RARA: variants seen among roughly 807,000 people sequenced by gnomAD.
The protein encoded by RARA is PML-DDX5-RARA fusion.
In RARA, 5 loss-of-function variants were observed where a neutral mutation model predicts 42.8. The ratio of observed to expected loss-of-function variants is 0.12; its 90% CI spans 0.06 to 0.25. RARA has a LOEUF of 0.25. RARA is among the 10% of genes least tolerant of loss of function. The pLI is 1.00. For missense variants in RARA, 402 were observed against 628.7 expected, an observed-to-expected ratio of 0.64 and a Z score of 3.86; for synonymous variants, 256 against 259.5, an observed-to-expected ratio of 0.99 and a Z score of 0.13.
Position 40,331,155 on chromosome 17 carries a change from G to T in RARA, c.-64G>T. On this transcript the variant is annotated 5_prime_UTR_variant, in exon 2 of 9. Coordinates refer to ENST00000254066, the MANE Select transcript of RARA (RefSeq NM_000964.4). ...AGGCCCCATGCCCCGAGGAGGGGTG[G>T]TCTGAAGCCCACCAGAGCCCCCTGC... 2.0e-6 allele frequency: 3 copies of T among 1,504,154 alleles called. No individual in the cohort carries two copies. Among genetic ancestry groups the T allele is most frequent in the Non-Finnish European group, 8.9e-7 (1 of 1,117,928 alleles). 93.2% of individuals were successfully genotyped at this position (1,504,154 alleles called of 1,614,324 possible).
chr17:40,347,575 A>G, intron 2 of RARA, among the ~76,000 whole-genome samples: 1 of 152,184 alleles, frequency 6.6e-6, no homozygotes, highest in Non-Finnish European at 1.5e-5. Flanking sequence ...GGCCAGACAG[A>G]CAGAGCATTG....
Position 40,356,310 on chromosome 17 carries a change from CCCTGCCCCCA to C in RARA, c.*92_*101del. Reference sequence around the variant, plus strand: ...TACCGACCATGTGACCCCGCACCAGCCCTGCCCCCACCTGCCCTCCCGGGCAGTACTGGGG... The same window carrying C: ...TACCGACCATGTGACCCCGCACCAGCCCTGCCCTCCCGGGCAGTACTGGGG... On this transcript the variant is annotated 3_prime_UTR_variant, in exon 9 of 9. Coordinates refer to ENST00000254066, the MANE Select transcript of RARA (RefSeq NM_000964.4). The C allele has an allele frequency of 7.1e-7, 1 of 1,409,566 alleles. No individual in the cohort carries two copies. Among genetic ancestry groups the C allele is most frequent in the Non-Finnish European group, 9.7e-7 (1 of 1,025,986 alleles). 87.3% of individuals were successfully genotyped at this position (1,409,566 alleles called of 1,614,324 possible). A position where few individuals can be genotyped will look rare whatever the true frequency, so the allele number is the denominator to read the frequency against.
intron 1 of RARA, among the ~76,000 whole-genome samples, chr17:40,315,167 T>TACACAC (rs1299638664): frequency 4.3e-5 from 5 of 116,028 alleles, no homozygotes; most frequent in African/African-American, 1.7e-4. Context: ...TATATATATA[T>TACACAC]ATATACACAC....
intron 2 of RARA, among the ~76,000 whole-genome samples, chr17:40,334,474 C>T (rs941406334): frequency 1.3e-5 from 2 of 152,244 alleles, no homozygotes; most frequent in African/African-American, 4.8e-5. Context: ...GCATCTCCCT[C>T]CTTCTGCAGA....
At chr17:40,343,441 C>T (rs913966046) in intron 2 of RARA, among the ~76,000 whole-genome samples, 3 of 152,164 alleles carry the variant, frequency 2.0e-5, no homozygotes, top group Non-Finnish European at 4.4e-5. Context: ...ATCAGACACC[C>T]GTCTGCCATC....
In RARA at chr17:40,357,345, A is replaced by G. The variant is rs368001358; in HGVS notation, c.*1119A>G. 19 of 232,130 alleles carry G rather than the reference A, an allele frequency of 8.2e-5. No individual in the cohort carries two copies. The East Asian group carries it at 1.1e-3, about 13-fold the overall frequency. The allele number at this position is 232,130 out of a possible 1,614,324, so 14.4% of individuals were successfully genotyped here. A position where few individuals can be genotyped will look rare whatever the true frequency, so the allele number is the denominator to read the frequency against. On this transcript the variant is annotated 3_prime_UTR_variant, in exon 9 of 9. Transcript: ENST00000254066. ...ACACATGCGCGTGCGCACACACACA[A>G]ACACACACACACTGGACAGTAGATG...
intron 6 of RARA, among the ~76,000 whole-genome samples, chr17:40,353,859 AAT>A (rs2034530230): frequency 6.6e-6 from 1 of 152,096 alleles, no homozygotes; most frequent in South Asian, 2.1e-4. Context: ...CATTCAAGCC[AAT>A]ACACATTTAC....
At chr17:40,324,349 C>T (rs1208431339) in intron 1 of RARA, among the ~76,000 whole-genome samples, 1 of 152,008 alleles carries the variant, frequency 6.6e-6, no homozygotes, top group African/African-American at 2.4e-5. Flanking sequence ...CTGAATTACC[C>T]CCTGCCCTTT....
At chr17:40,331,484 T>C in intron 2 of RARA, 88 bp downstream of exon 2, 1 of 1,432,804 alleles carries the variant, frequency 7.0e-7, no homozygotes, top group Non-Finnish European at 9.3e-7. Context: ...TCTGTTCTGC[T>C]GTGAGTGGAA....
intron 1 of RARA, among the ~76,000 whole-genome samples, chr17:40,325,035 C>T (rs1006175248): frequency 1.8e-4 from 28 of 151,792 alleles, no homozygotes; most frequent in African/African-American, 6.8e-4. Flanking sequence ...GGCAGATCAC[C>T]GTGTCAGGAG....
intron 1 of RARA, among the ~76,000 whole-genome samples, chr17:40,321,621 G>A (rs2033382149): frequency 6.6e-6 from 1 of 152,208 alleles, no homozygotes; most frequent in African/African-American, 2.4e-5. Flanking sequence ...TCTGGCCAGT[G>A]ACACCTCCTT....
At position 40,331,137 on chromosome 17, in the gene RARA, A is replaced by G; in HGVS notation, c.-82A>G. ...CAAACCCCATCTGGGCCCAGGCCCC[A>G]TGCCCCGAGGAGGGGTGGTCTGAAG... On this transcript the variant is annotated 5_prime_UTR_variant, in exon 2 of 9. It removes an upstream start codon present in the reference 5' UTR. Coordinates refer to ENST00000254066, the MANE Select transcript of RARA (RefSeq NM_000964.4). 3.5e-6 allele frequency: 5 copies of G among 1,448,998 alleles called. No homozygotes were observed. Among genetic ancestry groups the G allele is most frequent in the Non-Finnish European group, 4.6e-6 (5 of 1,077,408 alleles). 89.8% of individuals were successfully genotyped at this position (1,448,998 alleles called of 1,614,324 possible).
At position 40,354,887 on chromosome 17, in the gene RARA, C is replaced by T. The variant is rs751657348; in HGVS notation, c.1013-376C>T. On this transcript the variant is annotated intron_variant, in intron 7 of 8. Coordinates refer to ENST00000254066, the MANE Select transcript of RARA (RefSeq NM_000964.4). This position sits in a 1 kb window ranked among gnomAD's most constrained non-coding sequence, Gnocchi z 4.5. ...ACAGATACTGTGCAGGTGCCCAGAG[C>T]GAGCTCCAGTGCTTGTTAGTTGCTA... Among the ~76,000 whole-genome samples, 5 of 152,190 alleles carry T rather than the reference C, an allele frequency of 3.3e-5. No individual in the cohort carries two copies. Among genetic ancestry groups the T allele is most frequent in the Non-Finnish European group, 5.9e-5 (4 of 68,032 alleles).
intron 2 of RARA, chr17:40,343,256 C>T (rs545130831): frequency 1.5e-4 from 24 of 163,470 alleles, no homozygotes; most frequent in Non-Finnish European, 2.8e-4. Flanking sequence ...GGTTTGTCTG[C>T]TCCCGGGGGA....
At chr17:40,316,387 C>T (rs567621733) in intron 1 of RARA, among the ~76,000 whole-genome samples, 1 of 152,310 alleles carries the variant, frequency 6.6e-6, no homozygotes, top group South Asian at 2.1e-4. Flanking sequence ...TGCATACATG[C>T]GTCGGGGATG....
chr17:40,311,200 G>A (rs2033088668), intron 1 of RARA, among the ~76,000 whole-genome samples: 1 of 152,110 alleles, frequency 6.6e-6, no homozygotes, highest in African/African-American at 2.4e-5. Context: ...GCTGAGATAT[G>A]TGTGGCGGCT....
At chr17:40,316,540 G>A (rs1319443524) in intron 1 of RARA, among the ~76,000 whole-genome samples, 1 of 152,214 alleles carries the variant, frequency 6.6e-6, no homozygotes, top group Non-Finnish European at 1.5e-5. Flanking sequence ...TTGTGTCCAT[G>A]AGCCTTCCCC....
intron 1 of RARA, among the ~76,000 whole-genome samples, chr17:40,315,132 GTATATATATA>G (rs71356657): frequency 0.012 from 743 of 64,162 alleles, 8 homozygotes; most frequent in Middle Eastern, 0.047. Context: ...GCTTATATGT[GTATATATATA>G]TATATATATA....
At chr17:40,346,568 AAGTT>A (rs1003424721) in intron 2 of RARA, among the ~76,000 whole-genome samples, 6 of 151,584 alleles carry the variant, frequency 4.0e-5, no homozygotes, top group Admixed American at 1.3e-4. Context: ...GTCTTGGAAA[AAGTT>A]AGCACAACAA....
Sources: allele counts gnomAD v4.1 joint callset (sites outside exome capture counted in the v4.1 genomes callset), GRCh38; gene constraint gnomAD v4.1.1; non-coding constraint Gnocchi (gnomAD v3.1); transcripts MANE v1.5; gene names NCBI Gene and HGNC (gene_info 2026-07-23, HGNC 2026-07-21).